Variants in NRXN2 observed in about 807,000 individuals in gnomAD.
NRXN2 encodes the protein neurexin-2-beta.
In NRXN2, 29 loss-of-function variants were observed where a neutral mutation model predicts 128.8. The ratio of observed to expected loss-of-function variants is 0.23; its 90% CI spans 0.17 to 0.31. The LOEUF (loss-of-function observed/expected upper bound fraction) is 0.31. Among genes scored for constraint, NRXN2 ranks in the 10% least tolerant of loss-of-function variants. The pLI is 1.00. For missense variants in NRXN2, 1,881 were observed against 2,452.6 expected, an observed-to-expected ratio of 0.77 and a Z score of 4.92; for synonymous variants, 1,098 against 1,075.2, an observed-to-expected ratio of 1.02 and a Z score of -0.41.
In NRXN2 at chr11:64,635,459, A is replaced by C. The variant is rs201851904; in HGVS notation, c.3404-7T>G. ...AAGATGTATGTGGTCCCGGCTGCAG[A>C]GAGAAGGAAAGGGAGACAAGAAGAA... On this transcript the variant is annotated splice_polypyrimidine_tract_variant and splice_region_variant and intron_variant, in intron 17 of 22. Coordinates refer to ENST00000265459, the MANE Select transcript of NRXN2 (RefSeq NM_015080.4). The surrounding 1 kb of genome is among the most constrained non-coding windows in gnomAD (Gnocchi z 4.8). 19 of 1,613,600 alleles carry C rather than the reference A, an allele frequency of 1.2e-5. No individual in the cohort carries two copies. The African/African-American group carries it at 2.1e-4, about 18-fold the overall frequency.
chr11:64,621,657 C>A (rs2042367013), intron 21 of NRXN2, among the ~76,000 whole-genome samples: 1 of 152,096 alleles, frequency 6.6e-6, no homozygotes, highest in South Asian at 2.1e-4. Context: ...ATCCTCATGG[C>A]CACCCCCAGA....
At position 64,651,212 on chromosome 11, in the gene NRXN2, G is replaced by A. The variant is rs2047420341; in HGVS notation, c.2918+43C>T. On this transcript the variant is annotated intron_variant, in intron 14 of 22. Transcript: ENST00000265459. This position sits in a 1 kb window ranked among gnomAD's most constrained non-coding sequence, Gnocchi z 5.9. ...AGCTGTATGTGGTTCAGCAGGGGGA[G>A]GGGGCCACCTCCTTGACAGCAGTGC... 6.2e-7 allele frequency: 1 copy of A among 1,611,934 alleles called. No homozygotes were observed. The highest frequency in any genetic ancestry group is 8.5e-7 in the Non-Finnish European group (1 of 1,179,718).
chr11:64,620,914 A>T (rs7939757), intron 21 of NRXN2, among the ~76,000 whole-genome samples: 147,855 of 150,932 alleles, frequency 0.98, 72,509 homozygotes, highest in Middle Eastern at 1. Flanking sequence ...ACGACAAGAG[A>T]AGACTTTGTC....
At chr11:64,642,855 G>C in intron 17 of NRXN2, 1 of 1,055,818 alleles carries the variant, frequency 9.5e-7, no homozygotes, top group Non-Finnish European at 1.1e-6. Context: ...GCGGGGACGC[G>C]GGGCTGCGCA....
At chr11:64,666,299 T>A (rs967493283) in intron 9 of NRXN2, among the ~76,000 whole-genome samples, 4 of 151,810 alleles carry the variant, frequency 2.6e-5, no homozygotes, top group African/African-American at 7.3e-5. Flanking sequence ...CCTCCTGGGT[T>A]CAAGCGATTC....
chr11:64,721,577 A>G (rs1024220982), intron 1 of NRXN2, among the ~76,000 whole-genome samples: 1 of 152,046 alleles, frequency 6.6e-6, no homozygotes, highest in African/African-American at 2.4e-5. Flanking sequence ...GAGGGGCTGA[A>G]GCACCCACAA....
rs373446973 is a variant in NRXN2 at position 64,661,038 on chromosome 11, C to T, written c.1900G>A (p.Gly634Arg). 1.7e-5 allele frequency: 27 copies of T among 1,613,398 alleles called. No homozygotes were observed. Among genetic ancestry groups the T allele is most frequent in the Non-Finnish European group, 2.0e-5 (24 of 1,180,022 alleles). The stretch of plus-strand genomic sequence containing the variant: ...GGCAGGGGCAGGTCCACCCGGCCCC[C>T]CTCAGGGAGACCGCCCAGGTACAGC... Reference protein sequence around the residue: ...SELYLGGLPEGGRVDLPLPPE... With the variant: ...SELYLGGLPERGRVDLPLPPE... Residue 634 changes from glycine to arginine, a missense_variant, in exon 10 of 23, where the codon GGG becomes AGG. Around this residue, in one of 7 missense-constraint regions of NRXN2, gnomAD observed 997 missense variants for 1,240.8 expected, o/e 0.80. Coordinates refer to ENST00000265459, the MANE Select transcript of NRXN2 (RefSeq NM_015080.4).
At chr11:64,701,351 T>C (rs2055326162) in intron 2 of NRXN2, among the ~76,000 whole-genome samples, 3 of 152,238 alleles carry the variant, frequency 2.0e-5, no homozygotes, top group South Asian at 4.1e-4. Context: ...TTCTTCCTGT[T>C]TCTATAATAT....
In NRXN2 at chr11:64,713,302, C is replaced by T; in HGVS notation, c.398G>A (p.Arg133His). Residue 133 changes from arginine to histidine, a missense_variant, in exon 2 of 23, where the codon CGC becomes CAC. Arg to His is a conservative substitution (Grantham distance 29). This residue lies in a region of NRXN2 where 997 missense variants were observed against 1,240.8 expected (regional missense o/e 0.80). Transcript: ENST00000265459. Reference protein sequence around the residue: ...RTALAVDGEARAAEVRSKRRE... With the variant: ...RTALAVDGEAHAAEVRSKRRE... ...CCGCTTGGAGCGCACCTCGGCGGCG[C>T]GGGCCTCGCCGTCCACCGCCAGCGC... 1 of 1,359,502 alleles carries T rather than the reference C, an allele frequency of 7.4e-7. No homozygotes were observed. Among genetic ancestry groups the T allele is most frequent in the Non-Finnish European group, 9.4e-7 (1 of 1,062,268 alleles). 84.2% of individuals were successfully genotyped at this position (1,359,502 alleles called of 1,614,324 possible).
intron 2 of NRXN2, among the ~76,000 whole-genome samples, chr11:64,703,273 T>C (rs1168845569): frequency 1.3e-5 from 2 of 152,036 alleles, no homozygotes; most frequent in South Asian, 4.2e-4. Flanking sequence ...GTTTGTTGAG[T>C]GAATAATAAA....
At chr11:64,677,655 T>C (rs914081175) in intron 6 of NRXN2, among the ~76,000 whole-genome samples, 5 of 152,070 alleles carry the variant, frequency 3.3e-5, no homozygotes, top group Non-Finnish European at 2.9e-5. Flanking sequence ...GACCCAATTA[T>C]GCAGTATTAG....
At chr11:64,642,644 A>G (rs1295047586) in intron 17 of NRXN2, 2 of 1,599,920 alleles carry the variant, frequency 1.3e-6, no homozygotes, top group Non-Finnish European at 1.7e-6. Context: ...AGGCTGGAGG[A>G]GACCCGGGCC....
chr11:64,713,499 G>A lies in NRXN2; in HGVS notation c.201C>T (p.Leu67=). 4 of 1,522,232 alleles carry A rather than the reference G, an allele frequency of 2.6e-6. No individual in the cohort carries two copies. Among genetic ancestry groups the A allele is most frequent in the Non-Finnish European group, 3.5e-6 (4 of 1,144,092 alleles). 94.3% of individuals were successfully genotyped at this position (1,522,232 alleles called of 1,614,324 possible). Residue 67 remains leucine (L), a synonymous_variant, in exon 2 of 23, where the codon CTC becomes CTT. Transcript: ENST00000265459. ...CGCAGTCGCCGCCGTCGTCCAGGTAGAGCAGCAGCGCGCGCGTGGCGTTGG... is the reference window on the plus strand; with the variant it reads ...CGCAGTCGCCGCCGTCGTCCAGGTAAAGCAGCAGCGCGCGCGTGGCGTTGG... ...LRTNATRALL[L]YLDDGGDCDF...
Position 64,607,403 on chromosome 11 carries a change from C to T in NRXN2, c.4932G>A (p.Ala1644=), listed in dbSNP as rs144742248. The change falls in exon 23 of 23, where the codon GCG becomes GCA. Residue 1644 remains alanine (A), a synonymous_variant. Transcript: ENST00000265459. ...GGATGAGGATGCAGAGCGCCGCCGC[C>T]GCCACAATGCCCACCACCATGCCCG... is the stretch of plus-strand genomic sequence containing the variant. ...STTGMVVGIV[A]AAALCILILL... The T allele has an allele frequency of 3.8e-4, 615 of 1,613,362 alleles. 2 individuals carry two copies. The African/African-American group carries it at 7.0e-3, about 18-fold the overall frequency.
chr11:64,620,792 G>T (rs780994962), intron 21 of NRXN2, among the ~76,000 whole-genome samples: 2 of 150,200 alleles, frequency 1.3e-5, no homozygotes, highest in Non-Finnish European at 3.0e-5. Flanking sequence ...GCCCTGGAGG[G>T]TTTCCTGGCT....
At position 64,667,191 on chromosome 11, in the gene NRXN2, G is replaced by A; in HGVS notation, c.1798+59C>T. On this transcript the variant is annotated intron_variant, in intron 9 of 22. Transcript: ENST00000265459. This position sits in a 1 kb window ranked among gnomAD's most constrained non-coding sequence, Gnocchi z 5.6. ...CCCGCTGAAGAGAGACGGAGAGGAT[G>A]TCAGGGCAGATGGAAAGGGGTGGCC... 1.3e-6 allele frequency: 2 copies of A among 1,554,120 alleles called. No individual in the cohort carries two copies. The highest frequency in any genetic ancestry group is 8.9e-7 in the Non-Finnish European group (1 of 1,127,440).
rs2050095383 is a variant in NRXN2, at chr11:64,667,797, C to T, written c.1360-109G>A. On this transcript the variant is annotated intron_variant, in intron 8 of 22. Coordinates refer to ENST00000265459, the MANE Select transcript of NRXN2 (RefSeq NM_015080.4). This position sits in a 1 kb window ranked among gnomAD's most constrained non-coding sequence, Gnocchi z 5.6. Reference sequence around the variant, plus strand: ...GGACCCAGCCACCCACCCCTGTAGCCCCTGCTCAGTTCCACCAGACCACCC... The same window carrying T: ...GGACCCAGCCACCCACCCCTGTAGCTCCTGCTCAGTTCCACCAGACCACCC... 4.9e-6 allele frequency: 5 copies of T among 1,016,810 alleles called. No individual in the cohort carries two copies. The South Asian group carries it at 5.3e-5, about 11-fold the overall frequency. 63.0% of individuals were successfully genotyped at this position (1,016,810 alleles called of 1,614,324 possible). A position where few individuals can be genotyped will look rare whatever the true frequency, so the allele number is the denominator to read the frequency against.
At chr11:64,645,101 C>T (rs1456702587) in intron 17 of NRXN2, among the ~76,000 whole-genome samples, 1 of 152,202 alleles carries the variant, frequency 6.6e-6, no homozygotes, top group Non-Finnish European at 1.5e-5. Flanking sequence ...GGAGAGACTG[C>T]ATGCCAGGAG....
Position 64,607,516 on chromosome 11 carries a change from G to A in NRXN2, c.4819C>T (p.Pro1607Ser). Residue 1607 changes from proline (P) to serine (S), a missense_variant, in exon 23 of 23, where the codon CCC becomes TCC. Physicochemically the swap from Pro to Ser is moderately conservative, Grantham distance 74. Around this residue, in one of 7 missense-constraint regions of NRXN2, gnomAD observed 310 missense variants for 318.2 expected, o/e 0.97. Coordinates refer to ENST00000265459, the MANE Select transcript of NRXN2 (RefSeq NM_015080.4). ...RPGVTSAPGF[P>S]HLPTANPTGP... The stretch of plus-strand genomic sequence containing the variant: ...GTGGGGTTGGCTGTGGGCAGATGGG[G>A]GAAGCCGGGGGCTGAGGTCACGCCG... 3 of 1,588,306 alleles carry A rather than the reference G, an allele frequency of 1.9e-6. No individual in the cohort carries two copies. Among genetic ancestry groups the A allele is most frequent in the Non-Finnish European group, 2.6e-6 (3 of 1,170,094 alleles).
Sources: gnomAD v4.1 joint callset for allele counts (sites outside exome capture counted in the v4.1 genomes callset) on GRCh38, gnomAD v4.1.1 for gene constraint, gnomAD v4.1.1 regional missense constraint, Gnocchi (gnomAD v3.1) non-coding constraint, MANE v1.5 for transcripts, NCBI Gene and HGNC (gene_info 2026-07-23, HGNC 2026-07-21) for gene names.